BTBD9: variants seen among roughly 807,000 people sequenced by gnomAD.
BTBD9 encodes BTB domain containing 9.
BTBD9 carries 49 observed loss-of-function variants against 64.3 expected under a neutral mutation model. The observed-to-expected ratio is 0.76, with a 90% CI of 0.61 to 0.97. BTBD9 has a LOEUF of 0.97. BTBD9 is among the 50% of genes least tolerant of loss of function. The pLI, the probability that BTBD9 is intolerant of heterozygous loss-of-function variation, is 0.00. For synonymous variants in BTBD9, 260 were observed against 274.7 expected, an observed-to-expected ratio of 0.95 and a Z score of 0.53; for missense variants, 598 against 762.1, an observed-to-expected ratio of 0.78 and a Z score of 2.53.
At chr6:38,513,947 G>A (rs1473544108) in intron 6 of BTBD9, among the ~76,000 whole-genome samples, 1 of 152,202 alleles carries the variant, frequency 6.6e-6, no homozygotes, top group Non-Finnish European at 1.5e-5. Flanking sequence ...TCATTTAGTA[G>A]AAGGCAAATG....
intron 1 of BTBD9, among the ~76,000 whole-genome samples, chr6:38,612,257 G>A (rs183189880): frequency 2.1e-3 from 320 of 152,306 alleles, no homozygotes; most frequent in Middle Eastern, 0.01. Context: ...CATGAAATAA[G>A]TGATTCACAT....
At chr6:38,346,993 A>G (rs1764308067) in intron 6 of BTBD9, among the ~76,000 whole-genome samples, 2 of 152,232 alleles carry the variant, frequency 1.3e-5, no homozygotes, top group African/African-American at 2.4e-5. Flanking sequence ...AGTGACTAAC[A>G]GGGCCTTTTC....
intron 9 of BTBD9, among the ~76,000 whole-genome samples, chr6:38,197,221 C>T (rs1006823697): frequency 7.9e-5 from 12 of 152,144 alleles, no homozygotes; most frequent in Non-Finnish European, 1.6e-4. Flanking sequence ...GGGTAGGCAG[C>T]CAGGCAATCT....
In BTBD9 at chr6:38,573,802, G is replaced by T. The variant is rs539494418; in HGVS notation, c.1154+3798C>A. On this transcript the variant is annotated intron_variant, in intron 6 of 10. Coordinates refer to ENST00000481247, the MANE Select transcript of BTBD9 (RefSeq NM_001099272.2). ...TGAGGAATAGCTCAAAATTTTAAGA[G>T]CACCCCCCAGAGTACTCAATATCCA... Among the ~76,000 whole-genome samples the T allele has an allele frequency of 3.3e-5, 5 of 152,176 alleles. No homozygotes were observed. The East Asian group carries it at 9.6e-4, about 29-fold the overall frequency.
At chr6:38,274,197 T>C (rs1765294016) in intron 8 of BTBD9, among the ~76,000 whole-genome samples, 1 of 152,232 alleles carries the variant, frequency 6.6e-6, no homozygotes, top group Admixed American at 6.5e-5. Context: ...TATTGGTGTA[T>C]AAAAATGCTT....
intron 6 of BTBD9, among the ~76,000 whole-genome samples, chr6:38,456,939 A>G (rs1412286976): frequency 1.3e-5 from 2 of 152,250 alleles, no homozygotes; most frequent in African/African-American, 4.8e-5. Context: ...AAATAAATAC[A>G]GTGACATGAT....
At position 38,463,863 on chromosome 6, in the gene BTBD9, CT is replaced by C. The variant is rs576168714; in HGVS notation, c.1154+113736del. 3.9e-5 allele frequency among the ~76,000 whole-genome samples: 6 copies of C among 152,206 alleles called. 1 individual carries two copies. In the South Asian group the frequency reaches 1.2e-3, roughly 32 times the overall value. On this transcript the variant is annotated intron_variant, in intron 6 of 10. Transcript: ENST00000481247. ...CCTGGCCAACATGGCGAAATCCCATCTCTACAAAAAATACAAAAATTAGCCA... is the reference window on the plus strand; with the variant it reads ...CCTGGCCAACATGGCGAAATCCCATCCTACAAAAAATACAAAAATTAGCCA...
At chr6:38,419,237 A>C (rs1767800940) in intron 6 of BTBD9, among the ~76,000 whole-genome samples, 1 of 152,186 alleles carries the variant, frequency 6.6e-6, no homozygotes, top group South Asian at 2.1e-4. Flanking sequence ...CTTAAGGTCT[A>C]CTGAAATAAT....
chr6:38,353,174 T>C (rs1253628268), intron 6 of BTBD9, among the ~76,000 whole-genome samples: 1 of 152,206 alleles, frequency 6.6e-6, no homozygotes, highest in Non-Finnish European at 1.5e-5. Context: ...GTAAACATAG[T>C]ACACCTATTA....
chr6:38,514,210 C>T (rs960647649), intron 6 of BTBD9, among the ~76,000 whole-genome samples: 2 of 152,224 alleles, frequency 1.3e-5, no homozygotes, highest in Non-Finnish European at 2.9e-5. Context: ...CCAACACACT[C>T]CTGTTATTGT....
intron 4 of BTBD9, among the ~76,000 whole-genome samples, chr6:38,585,801 C>G (rs146472728): frequency 6.6e-6 from 1 of 152,238 alleles, no homozygotes; most frequent in East Asian, 1.9e-4. Flanking sequence ...AAAGGCAAAA[C>G]AACATAATTA....
At position 38,489,479 on chromosome 6, in the gene BTBD9, ATAAATAAG is replaced by A. The variant is rs1313970465; in HGVS notation, c.1154+88113_1154+88120del. On this transcript the variant is annotated intron_variant, in intron 6 of 10. Transcript: ENST00000481247. ...TGAGAAGACCCTGTCTCAAAAATAA[ATAAATAAG>A]TAAATAATTACAGTATTTTTTTTCA... 3.3e-5 allele frequency among the ~76,000 whole-genome samples: 5 copies of A among 152,300 alleles called. No homozygotes were observed. The South Asian group carries it at 6.2e-4, about 19-fold the overall frequency.
intron 9 of BTBD9, among the ~76,000 whole-genome samples, chr6:38,208,884 G>A (rs186826602): frequency 1.3e-5 from 2 of 152,136 alleles, no homozygotes; most frequent in African/African-American, 4.8e-5. Flanking sequence ...CAGACCTGAG[G>A]CAGCAAAAAA....
At chr6:38,269,659 G>A (rs1039277098) in intron 8 of BTBD9, among the ~76,000 whole-genome samples, 5 of 152,096 alleles carry the variant, frequency 3.3e-5, no homozygotes, top group Non-Finnish European at 5.9e-5. Context: ...GCTCTGCAAA[G>A]GGAGGGTTTG....
intron 7 of BTBD9, among the ~76,000 whole-genome samples, chr6:38,311,313 T>G (rs1762824553): frequency 6.6e-6 from 1 of 152,114 alleles, no homozygotes; most frequent in Non-Finnish European, 1.5e-5. Flanking sequence ...TTCAATTGTT[T>G]TCATTTTTAG....
intron 1 of BTBD9, among the ~76,000 whole-genome samples, chr6:38,638,367 G>A (rs1778602079): frequency 6.6e-6 from 1 of 152,180 alleles, no homozygotes. Context: ...ATGATACTGG[G>A]CAGAGGGAGG....
intron 10 of BTBD9, among the ~76,000 whole-genome samples, chr6:38,183,975 C>T (rs1156293144): frequency 6.6e-6 from 1 of 152,212 alleles, no homozygotes; most frequent in Non-Finnish European, 1.5e-5. Context: ...TCAAGAACTG[C>T]AGTGTGGTGG....
In BTBD9 at chr6:38,175,784, T is replaced by C. The variant is rs1005386967; in HGVS notation, c.1642-602A>G. On this transcript the variant is annotated intron_variant, in intron 10 of 10. Coordinates refer to ENST00000481247, the MANE Select transcript of BTBD9 (RefSeq NM_001099272.2). Reference sequence around the variant, plus strand: ...CCTGCAATGGCATGGTGTCCTGTCCTGAGCTGGTTCCTGATGCATAGTTCT... The same window carrying C: ...CCTGCAATGGCATGGTGTCCTGTCCCGAGCTGGTTCCTGATGCATAGTTCT... Among the ~76,000 whole-genome samples, 4 of 152,242 alleles carry C rather than the reference T, an allele frequency of 2.6e-5. No individual in the cohort carries two copies. In the South Asian group the frequency reaches 8.3e-4, roughly 31 times the overall value.
chr6:38,541,563 C>G (rs1774278382), intron 6 of BTBD9, among the ~76,000 whole-genome samples: 1 of 152,124 alleles, frequency 6.6e-6, no homozygotes, highest in African/African-American at 2.4e-5. Flanking sequence ...ATGGCGAAGC[C>G]CCGTCTCTAC....
Sources: gnomAD v4.1 joint callset for allele counts (sites outside exome capture counted in the v4.1 genomes callset) on GRCh38, gnomAD v4.1.1 for gene constraint, MANE v1.5 for transcripts, NCBI Gene and HGNC (gene_info 2026-07-23, HGNC 2026-07-21) for gene names.